The following BORCS8 variants were observed in gnomAD, a reference collection of about 807,000 sequenced individuals.
BORCS8 encodes the protein BLOC-1-related complex subunit 8.
Under a neutral mutation model 18.7 loss-of-function variants are expected in BORCS8, and 13 were observed. The ratio of observed to expected loss-of-function variants is 0.70; its 90% CI spans 0.45 to 1.11. The LOEUF (loss-of-function observed/expected upper bound fraction) is 1.11, where lower values mean the gene tolerates loss of function less well. BORCS8 is among the 50% of genes least tolerant of loss of function. The pLI is 0.00. For synonymous variants in BORCS8, 68 were observed against 64.8 expected, an observed-to-expected ratio of 1.05 and a Z score of -0.24; for missense variants, 165 against 165.7, an observed-to-expected ratio of 1.00 and a Z score of 0.02.
chr19:19,187,515 G>A (rs2060421838), intron 1 of BORCS8, among the ~76,000 whole-genome samples: 1 of 149,800 alleles, frequency 6.7e-6, no homozygotes, highest in Non-Finnish European at 1.5e-5. Context: ...AGGACATAAT[G>A]AGTGATGAGT....
chr19:19,187,103 C>G, intron 1 of BORCS8, 98 bp from the exon 2 acceptor site: 1 of 874,042 alleles, frequency 1.1e-6, no homozygotes, highest in South Asian at 1.6e-5. Context: ...AAGGGGGCAT[C>G]TGGCGTGTCC....
chr19:19,177,479 A>C lies in BORCS8; in HGVS notation c.*43-19T>G, dbSNP rs957710413. 5.9e-5 allele frequency: 9 copies of C among 151,918 alleles called. No homozygotes were observed. The highest frequency in any genetic ancestry group is 2.2e-4 in the African/African-American group (9 of 41,234). The allele number at this position is 151,918 out of a possible 1,614,324, so 9.4% of individuals were successfully genotyped here. A position where few individuals can be genotyped will look rare whatever the true frequency, so the allele number is the denominator to read the frequency against. On this transcript the variant is annotated intron_variant, in intron 5 of 5. Coordinates refer to ENST00000462790, the MANE Select transcript of BORCS8 (RefSeq NM_001145784.2). ...CCCGTCTCTACAAAAAATACAAAAAATTAGCTGGGGGTAGTGGTGTGCGCC... is the reference window on the plus strand; with the variant it reads ...CCCGTCTCTACAAAAAATACAAAAACTTAGCTGGGGGTAGTGGTGTGCGCC...
chr19:19,178,638 G>A (rs1210870714), intron 5 of BORCS8: 2 of 152,350 alleles, frequency 1.3e-5, no homozygotes, highest in Non-Finnish European at 2.9e-5. Flanking sequence ...ACCCCAAAGA[G>A]GCGCAGTTTT....
intron 5 of BORCS8, chr19:19,177,672 GGAAGGAAGGAAGGA>G (rs2060303461): frequency 1.2e-5 from 1 of 85,094 alleles, no homozygotes; most frequent in Non-Finnish European, 2.2e-5. Context: ...AAGGAAGGAA[GGAAGGAAGGAAGGA>G]AGGAAGGAAG....
chr19:19,187,379 G>A (rs2060420011), intron 1 of BORCS8, among the ~76,000 whole-genome samples: 1 of 151,740 alleles, frequency 6.6e-6, no homozygotes, highest in African/African-American at 2.4e-5. Context: ...GGAGGCTGAG[G>A]CAGGAGAAAT....
chr19:19,182,152 G>A lies in BORCS8; in HGVS notation c.326+421C>T, dbSNP rs539782723. On this transcript the variant is annotated intron_variant, in intron 4 of 5. Transcript: ENST00000462790. This position sits in a 1 kb window ranked among gnomAD's most constrained non-coding sequence, Gnocchi z 4.1. ...CTCCCAGGGATCCCAGCCCCAGAGC[G>A]TCTGCCCTCACCACTGCCCCACATG... 33 of 640,872 alleles carry A rather than the reference G, an allele frequency of 5.1e-5. No homozygotes were observed. Among genetic ancestry groups the A allele is most frequent in the African/African-American group, 2.6e-4 (13 of 50,820 alleles). The allele number at this position is 640,872 out of a possible 1,614,324, so 39.7% of individuals were successfully genotyped here. A position where few individuals can be genotyped will look rare whatever the true frequency, so the allele number is the denominator to read the frequency against.
At chr19:19,187,040 G>A in intron 1 of BORCS8, 35 bp from the exon 2 acceptor site, 5 of 1,497,252 alleles carry the variant, frequency 3.3e-6, no homozygotes, top group Non-Finnish European at 4.5e-6. Context: ...GCGGGTGTGG[G>A]GAGACAAAGC....
intron 1 of BORCS8, among the ~76,000 whole-genome samples, chr19:19,188,992 G>A (rs904019633): frequency 6.6e-5 from 10 of 151,978 alleles, no homozygotes; most frequent in South Asian, 4.1e-4. Flanking sequence ...CCGCCACCAC[G>A]CCTGGCTAAT....
Position 19,182,703 on chromosome 19 carries a change from C to T in BORCS8, c.216-20G>A. 1.3e-6 allele frequency: 2 copies of T among 1,545,524 alleles called. No individual in the cohort carries two copies. Among genetic ancestry groups the T allele is most frequent in the Non-Finnish European group, 1.7e-6 (2 of 1,144,694 alleles). On this transcript the variant is annotated intron_variant, in intron 3 of 5. Transcript: ENST00000462790. This position sits in a 1 kb window ranked among gnomAD's most constrained non-coding sequence, Gnocchi z 4.1. ...ACGGCGCTGAAACGGGAGGACAGGCCTGGTCAGCGCTCCGGACCTGCAGGT... is the reference window on the plus strand; with the variant it reads ...ACGGCGCTGAAACGGGAGGACAGGCTTGGTCAGCGCTCCGGACCTGCAGGT...
At chr19:19,186,870 C>A in intron 2 of BORCS8, 23 bp downstream of exon 2, 2 of 1,487,574 alleles carry the variant, frequency 1.3e-6, no homozygotes, top group South Asian at 1.3e-5. Context: ...AGCCCCTGCT[C>A]CTCCCAGCAG....
chr19:19,187,532 C>T (rs1292298486), intron 1 of BORCS8, among the ~76,000 whole-genome samples: 4 of 149,338 alleles, frequency 2.7e-5, no homozygotes, highest in Non-Finnish European at 5.9e-5. Flanking sequence ...GAGTTCATAA[C>T]GAGTAAACTT....
At chr19:19,178,695 C>T (rs932062929) in intron 5 of BORCS8, 2 of 152,272 alleles carry the variant, frequency 1.3e-5, no homozygotes, top group East Asian at 3.9e-4. Context: ...CGCAGTGGCT[C>T]ATGCCTATAA....
intron 5 of BORCS8, chr19:19,179,231 G>A (rs1452369111): frequency 6.6e-6 from 1 of 152,588 alleles, no homozygotes; most frequent in Non-Finnish European, 1.5e-5. Flanking sequence ...GGCTGCGTAG[G>A]GCACTGGGCT....
rs916534562 is a variant in BORCS8, at chr19:19,191,939, T to C, written c.37+142A>G. ...CAGACACGGAGCCTTTCTACAGGTT[T>C]CAAAACTAGTCAGCGGCAGAGCTGG... On this transcript the variant is annotated intron_variant, in intron 1 of 5. Coordinates refer to ENST00000462790, the MANE Select transcript of BORCS8 (RefSeq NM_001145784.2). 23 of 1,003,330 alleles carry C rather than the reference T, an allele frequency of 2.3e-5. No homozygotes were observed. The Admixed American group carries it at 4.9e-4, about 21-fold the overall frequency. 62.2% of individuals were successfully genotyped at this position (1,003,330 alleles called of 1,614,324 possible). A position where few individuals can be genotyped will look rare whatever the true frequency, so the allele number is the denominator to read the frequency against.
intron 4 of BORCS8, among the ~76,000 whole-genome samples, chr19:19,181,153 C>G (rs2060345319): frequency 6.6e-6 from 1 of 150,736 alleles, no homozygotes. Flanking sequence ...TAAGATCGCA[C>G]CAGTGCACTC....
At chr19:19,191,479 G>A (rs1319792548) in intron 1 of BORCS8, among the ~76,000 whole-genome samples, 1 of 142,632 alleles carries the variant, frequency 7.0e-6, no homozygotes, top group Non-Finnish European at 1.5e-5. Flanking sequence ...GCGACAGTGT[G>A]ATACCTTGTC....
chr19:19,189,340 T>G (rs2060443500), intron 1 of BORCS8, among the ~76,000 whole-genome samples: 1 of 152,120 alleles, frequency 6.6e-6, no homozygotes, highest in Non-Finnish European at 1.5e-5. Flanking sequence ...CAGATCCACC[T>G]TCTCCCTGGC....
chr19:19,185,495 G>A (rs1162059000), intron 3 of BORCS8, among the ~76,000 whole-genome samples: 2 of 152,196 alleles, frequency 1.3e-5, no homozygotes, highest in African/African-American at 2.4e-5. Context: ...AGACCAGCCT[G>A]GCCAACATGG....
chr19:19,187,931 C>A (rs981300667), intron 1 of BORCS8, among the ~76,000 whole-genome samples: 4 of 151,954 alleles, frequency 2.6e-5, no homozygotes, highest in African/African-American at 7.3e-5. Context: ...ACCCTCGAAA[C>A]TCCCAGCCTC....
Sources: allele counts gnomAD v4.1 joint callset (sites outside exome capture counted in the v4.1 genomes callset), GRCh38; gene constraint gnomAD v4.1.1; non-coding constraint Gnocchi (gnomAD v3.1); transcripts MANE v1.5; gene names NCBI Gene and HGNC (gene_info 2026-07-23, HGNC 2026-07-21).